Variants in DAB1 observed in about 807,000 individuals in gnomAD.
DAB1 encodes the protein disabled homolog 1.
Under a neutral mutation model 64.6 loss-of-function variants are expected in DAB1, and 15 were observed. The observed-to-expected ratio is 0.23, with a 90% CI of 0.16 to 0.36. The LOEUF (loss-of-function observed/expected upper bound fraction) is 0.36. DAB1 is among the 10% of genes least tolerant of loss of function. DAB1 has a pLI of 1.00. For missense variants in DAB1, 596 were observed against 706.7 expected, an observed-to-expected ratio of 0.84 and a Z score of 1.78; for synonymous variants, 235 against 251.9, an observed-to-expected ratio of 0.93 and a Z score of 0.64.
At chr1:57,022,453 T>C (rs1646651570) in intron 11 of DAB1, among the ~76,000 whole-genome samples, 2 of 152,248 alleles carry the variant, frequency 1.3e-5, no homozygotes, top group South Asian at 4.1e-4. Context: ...TCTAGGCAAT[T>C]TGCAGTCTAA....
intron 6 of DAB1, among the ~76,000 whole-genome samples, chr1:57,764,532 A>G (rs921952486): frequency 6.7e-4 from 102 of 152,280 alleles, no homozygotes; most frequent in African/African-American, 2.3e-3. Context: ...TATTTCTGCT[A>G]TCTGGCCAAA....
At position 57,165,739 on chromosome 1, in the gene DAB1, T is replaced by G. The variant is rs376431567; in HGVS notation, c.68-20310A>C. 7.9e-4 allele frequency among the ~76,000 whole-genome samples: 121 copies of G among 152,338 alleles called. 1 individual carries two copies. Among genetic ancestry groups the G allele is most frequent in the African/African-American group, 2.6e-3 (109 of 41,580 alleles). On this transcript the variant is annotated intron_variant, in intron 2 of 14. Transcript: ENST00000371236. ...TCACATAGCCAATAAGGAGATGTGA[T>G]TCATCCAGAATTCACCCCAGCTATG... is the stretch of plus-strand genomic sequence containing the variant.
At position 57,533,539 on chromosome 1, in the gene DAB1, GTATATATATATA is replaced by G. The variant is rs59378470; in HGVS notation, n.625+116041_625+116052del. 7.5e-3 allele frequency among the ~76,000 whole-genome samples: 1,078 copies of G among 143,808 alleles called. 12 individuals carry two copies. The highest frequency in any genetic ancestry group is 0.015 in the Middle Eastern group (4 of 274). 94.3% of individuals were successfully genotyped at this position (143,808 alleles called of 152,430 possible). A position where few individuals can be genotyped will look rare whatever the true frequency, so the allele number is the denominator to read the frequency against. ...AACAAAAATAGAAAATTCATAACAGGTATATATATATATATATATATATATATGTATATATGT... is the reference window on the plus strand; with the variant it reads ...AACAAAAATAGAAAATTCATAACAGGTATATATATATATATGTATATATGT... On this transcript the variant is annotated intron_variant and non_coding_transcript_variant, in intron 7 of 20. Coordinates refer to the DAB1 transcript ENST00000485760.
chr1:57,912,294 T>C (rs572634969), intron 5 of DAB1, among the ~76,000 whole-genome samples: 30 of 152,258 alleles, frequency 2.0e-4, no homozygotes, highest in African/African-American at 7.0e-4. Context: ...TTTATCTCCA[T>C]TAAGCAAAAG....
intron 1 of DAB1, among the ~76,000 whole-genome samples, chr1:57,342,283 T>C (rs1158640558): frequency 1.3e-5 from 2 of 152,192 alleles, no homozygotes; most frequent in Non-Finnish European, 2.9e-5. Context: ...TCCCTCCATG[T>C]CAGCTCAAAA....
At chr1:57,009,638 T>C (rs1279637485) in intron 14 of DAB1, among the ~76,000 whole-genome samples, 1 of 152,144 alleles carries the variant, frequency 6.6e-6, no homozygotes, top group African/African-American at 2.4e-5. Flanking sequence ...TGTTCAGAAC[T>C]TAAAAAAGGA....
At chr1:57,725,454 ACCTTCC>A (rs377723465) in intron 6 of DAB1, among the ~76,000 whole-genome samples, 1,533 of 152,122 alleles carry the variant, frequency 0.01, 27 homozygotes, top group African/African-American at 0.034. Context: ...CCTTCCCCTG[ACCTTCC>A]CCTTCAGAGA....
intron 6 of DAB1, among the ~76,000 whole-genome samples, chr1:57,768,950 C>T (rs987201211): frequency 3.9e-5 from 6 of 152,142 alleles, no homozygotes; most frequent in African/African-American, 1.4e-4. Flanking sequence ...GCCACACCCC[C>T]AACCAGATTT....
intron 3 of DAB1, among the ~76,000 whole-genome samples, chr1:58,351,345 G>A (rs929577131): frequency 5.9e-5 from 9 of 152,052 alleles, no homozygotes; most frequent in African/African-American, 1.2e-4. Flanking sequence ...GAAACAGCCC[G>A]GAAAGATCAA....
intron 11 of DAB1, among the ~76,000 whole-genome samples, chr1:57,016,164 T>C (rs572664394): frequency 9.2e-5 from 14 of 152,192 alleles, no homozygotes; most frequent in Non-Finnish European, 1.3e-4. Context: ...ATGGTTTGGA[T>C]TAGATAGAGG....
At chr1:57,908,953 A>G (rs1644599689) in intron 5 of DAB1, among the ~76,000 whole-genome samples, 1 of 150,382 alleles carries the variant, frequency 6.6e-6, no homozygotes, top group African/African-American at 2.4e-5. Flanking sequence ...GTGTCTTGGG[A>G]ACCAGGTCTA....
At chr1:57,632,288 A>T (rs772446519) in intron 7 of DAB1, among the ~76,000 whole-genome samples, 2 of 152,204 alleles carry the variant, frequency 1.3e-5, no homozygotes, top group Admixed American at 1.3e-4. Context: ...TTATTACCAG[A>T]TGTTTCTAAA....
At chr1:58,331,088 T>C (rs1662958530) in intron 4 of DAB1, among the ~76,000 whole-genome samples, 1 of 152,222 alleles carries the variant, frequency 6.6e-6, no homozygotes, top group East Asian at 1.9e-4. Context: ...TAGATGCCAT[T>C]AACATCTGTA....
chr1:56,997,665 C>T lies in DAB1; in HGVS notation c.*479G>A, dbSNP rs1645681488. The T allele has an allele frequency of 1.3e-5, 2 of 152,154 alleles. No individual in the cohort carries two copies. Among genetic ancestry groups the T allele is most frequent in the Non-Finnish European group, 2.9e-5 (2 of 68,040 alleles). The allele number at this position is 152,154 out of a possible 1,614,324, so 9.4% of individuals were successfully genotyped here. On this transcript the variant is annotated 3_prime_UTR_variant, in exon 15 of 15. Coordinates refer to ENST00000371236, the MANE Select transcript of DAB1 (RefSeq NM_001365792.1). ...GGCATATGGATGACGATATTGTGGT[C>T]ACAGAAGACCCTTTGCTTTTGCTTA...
intron 5 of DAB1, among the ~76,000 whole-genome samples, chr1:58,106,885 C>G (rs1476267479): frequency 3.5e-4 from 43 of 123,538 alleles, no homozygotes; most frequent in African/African-American, 1.4e-3. Context: ...TCCCTTTCTC[C>G]TTCCCTTCCT....
intron 5 of DAB1, among the ~76,000 whole-genome samples, chr1:57,999,499 T>G (rs1646475496): frequency 6.6e-6 from 1 of 152,196 alleles, no homozygotes; most frequent in Admixed American, 6.5e-5. Flanking sequence ...CAGGAAATAG[T>G]GGGGTGGGAT....
intron 1 of DAB1, among the ~76,000 whole-genome samples, chr1:58,544,311 C>T (rs977196522): frequency 2.0e-5 from 3 of 152,016 alleles, no homozygotes; most frequent in Non-Finnish European, 4.4e-5. Flanking sequence ...AAATGCTAGG[C>T]ACCATAATGG....
chr1:57,345,586 G>A (rs574821905), intron 1 of DAB1, among the ~76,000 whole-genome samples: 25 of 152,172 alleles, frequency 1.6e-4, no homozygotes, highest in Admixed American at 1.1e-3. Flanking sequence ...TCTAGTGCTC[G>A]GTTATTTGAC....
intron 1 of DAB1, among the ~76,000 whole-genome samples, chr1:57,355,724 C>T (rs542598433): frequency 2.0e-5 from 3 of 152,016 alleles, no homozygotes; most frequent in Non-Finnish European, 4.4e-5. Flanking sequence ...CTGAAGTATA[C>T]TTTATTGGGA....
Sources: gnomAD v4.1 joint callset for allele counts (sites outside exome capture counted in the v4.1 genomes callset) on GRCh38, gnomAD v4.1.1 for gene constraint, MANE v1.5 for transcripts, NCBI Gene and HGNC (gene_info 2026-07-23, HGNC 2026-07-21) for gene names.